The following TRIM4 variants were observed in gnomAD, a reference collection of about 807,000 sequenced individuals.
TRIM4 encodes the protein tripartite motif containing 4.
Under a neutral mutation model 33.7 loss-of-function variants are expected in TRIM4, and 29 were observed. That is an observed-to-expected ratio of 0.86 (90% confidence interval 0.64 to 1.17). The LOEUF (loss-of-function observed/expected upper bound fraction) is 1.17, where lower values mean the gene tolerates loss of function less well. Among genes scored for constraint, TRIM4 ranks in the 50% most tolerant of loss-of-function variants. The pLI is 0.00. For missense variants in TRIM4, 554 were observed against 593.7 expected, an observed-to-expected ratio of 0.93 and a Z score of 0.69; for synonymous variants, 224 against 233.0, an observed-to-expected ratio of 0.96 and a Z score of 0.35.
At chr7:99,900,833 G>A (rs1257583649) in intron 5 of TRIM4, among the ~76,000 whole-genome samples, 22 of 152,124 alleles carry the variant, frequency 1.4e-4, no homozygotes, top group Admixed American at 1.4e-3. Flanking sequence ...TCCACTGCAA[G>A]TAACTATCCT....
intron 1 of TRIM4, among the ~76,000 whole-genome samples, chr7:99,915,210 T>G (rs1280161857): frequency 1.3e-5 from 2 of 152,182 alleles, no homozygotes; most frequent in Non-Finnish European, 2.9e-5. Flanking sequence ...TCAGCCCAAC[T>G]GGACTGTGAG....
intron 5 of TRIM4, among the ~76,000 whole-genome samples, chr7:99,899,595 C>T (rs1226517011): frequency 6.6e-6 from 1 of 152,164 alleles, no homozygotes. Flanking sequence ...ATACTTTCAT[C>T]TCTCCTCTCC....
At chr7:99,897,725 G>A (rs1385564187) in intron 5 of TRIM4, among the ~76,000 whole-genome samples, 1 of 152,124 alleles carries the variant, frequency 6.6e-6, no homozygotes, top group African/African-American at 2.4e-5. Context: ...TGTGCAAGGG[G>A]ACAATCATCC....
intron 5 of TRIM4, among the ~76,000 whole-genome samples, chr7:99,894,382 G>A (rs1818965033): frequency 6.6e-6 from 1 of 152,050 alleles, no homozygotes; most frequent in African/African-American, 2.4e-5. Flanking sequence ...AAATCATCTG[G>A]GGACCAGGCG....
At chr7:99,903,124 G>T in intron 5 of TRIM4, 94 bp downstream of exon 5, 2 of 898,924 alleles carry the variant, frequency 2.2e-6, no homozygotes, top group African/African-American at 1.7e-5. Context: ...TCTATTAGCT[G>T]CATGCTGTTT....
intron 1 of TRIM4, among the ~76,000 whole-genome samples, chr7:99,911,679 ACT>A (rs1159218355): frequency 6.6e-6 from 1 of 152,190 alleles, no homozygotes; most frequent in African/African-American, 2.4e-5. Context: ...AGCAACTGGA[ACT>A]CTTACACAAC....
chr7:99,900,099 T>TA, intron 5 of TRIM4, among the ~76,000 whole-genome samples: 1 of 152,236 alleles, frequency 6.6e-6, no homozygotes, highest in South Asian at 2.1e-4. Context: ...GTATAAGATT[T>TA]AATATAAGGA....
chr7:99,894,309 A>G (rs1361552816), intron 5 of TRIM4, among the ~76,000 whole-genome samples: 1 of 152,166 alleles, frequency 6.6e-6, no homozygotes, highest in African/African-American at 2.4e-5. Context: ...ATCAATTTTC[A>G]ATAGGAGTTC....
chr7:99,905,051 A>T (rs923553436), intron 3 of TRIM4, among the ~76,000 whole-genome samples: 4 of 40,146 alleles, frequency 1.0e-4, no homozygotes, highest in South Asian at 8.1e-4. Flanking sequence ...AATAAAAATT[A>T]AAAAAAAAAA....
intron 5 of TRIM4, among the ~76,000 whole-genome samples, chr7:99,896,757 C>T (rs1211189042): frequency 6.6e-6 from 1 of 152,234 alleles, no homozygotes; most frequent in Non-Finnish European, 1.5e-5. Context: ...TAGCCACTAT[C>T]CTTGATGGGT....
At chr7:99,897,730 T>C (rs745362030) in intron 5 of TRIM4, among the ~76,000 whole-genome samples, 3 of 152,120 alleles carry the variant, frequency 2.0e-5, no homozygotes, top group South Asian at 2.1e-4. Flanking sequence ...AAGGGGACAA[T>C]CATCCTCTTA....
intron 5 of TRIM4, among the ~76,000 whole-genome samples, chr7:99,897,759 C>G (rs1819054897): frequency 6.6e-6 from 1 of 152,188 alleles, no homozygotes; most frequent in Admixed American, 6.5e-5. Flanking sequence ...TATAATACCC[C>G]CCACTGTCTT....
At chr7:99,903,494 A>T (rs1584266041) in intron 4 of TRIM4, 82 bp downstream of exon 4, 19 of 1,572,178 alleles carry the variant, frequency 1.2e-5, no homozygotes, top group Middle Eastern at 3.3e-4. Flanking sequence ...TGACCTATGG[A>T]TCCTAGGCCT....
At chr7:99,909,443 G>A (rs1197511120) in intron 2 of TRIM4, 122 bp downstream of exon 2, 7 of 710,000 alleles carry the variant, frequency 9.9e-6, no homozygotes, top group Non-Finnish European at 1.6e-5. Context: ...CAGAGGTTCT[G>A]AGGCATCCAA....
intron 1 of TRIM4, among the ~76,000 whole-genome samples, chr7:99,914,762 G>C (rs1482308824): frequency 6.6e-6 from 1 of 152,064 alleles, no homozygotes. Context: ...CACCTCCTAA[G>C]AGAAGACTGC....
intron 1 of TRIM4, among the ~76,000 whole-genome samples, chr7:99,918,337 G>A (rs987093936): frequency 6.6e-6 from 1 of 152,134 alleles, no homozygotes; most frequent in African/African-American, 2.4e-5. Flanking sequence ...GAGGCCAAGC[G>A]GGGCAGATCA....
At chr7:99,916,834 C>G in intron 1 of TRIM4, 1 of 773,584 alleles carries the variant, frequency 1.3e-6, no homozygotes, top group Non-Finnish European at 2.4e-6. Context: ...TTTTATAACT[C>G]CCCACTGCCT....
chr7:99,912,404 A>G (rs978189022), intron 1 of TRIM4, among the ~76,000 whole-genome samples: 1 of 151,976 alleles, frequency 6.6e-6, no homozygotes, highest in African/African-American at 2.4e-5. Context: ...TGGTGGCACA[A>G]GCCTGTAATC....
intron 3 of TRIM4, among the ~76,000 whole-genome samples, chr7:99,906,611 G>A (rs1454148594): frequency 6.6e-6 from 1 of 152,064 alleles, no homozygotes; most frequent in Non-Finnish European, 1.5e-5. Context: ...AAACAAAGGG[G>A]TAAATATAAA....
Sources: allele counts gnomAD v4.1 joint callset (sites outside exome capture counted in the v4.1 genomes callset), GRCh38; gene constraint gnomAD v4.1.1; transcripts MANE v1.5; gene names NCBI Gene and HGNC (gene_info 2026-07-23, HGNC 2026-07-21).